Variants in HLF observed in about 807,000 individuals in gnomAD.
HLF encodes HLF transcription factor, PAR bZIP family member.
Under a neutral mutation model 22.6 loss-of-function variants are expected in HLF, and 3 were observed. The observed-to-expected ratio is 0.13, with a 90% CI of 0.06 to 0.34. HLF has a LOEUF of 0.34. HLF is among the 10% of genes least tolerant of loss of function. The pLI is 1.00. For missense variants in HLF, 299 were observed against 389.2 expected (o/e 0.77, Z 1.95); for synonymous variants, 151 against 151.8 (o/e 0.99, Z 0.04).
intron 1 of HLF, chr17:55,265,878 A>T (rs2080782966): frequency 8.3e-7 from 1 of 1,208,862 alleles, no homozygotes; most frequent in Admixed American, 4.7e-5. Context: ...GGGAGGTGTA[A>T]CTTGACAGGT....
In HLF at chr17:55,324,460, C is replaced by T. The variant is rs1905380443; in HGVS notation, c.*3581C>T. 4.3e-6 allele frequency: 1 copy of T among 231,536 alleles called. No homozygotes were observed. The highest frequency in any genetic ancestry group is 6.1e-5 in the East Asian group (1 of 16,386). The allele number at this position is 231,536 out of a possible 1,614,324, so 14.3% of individuals were successfully genotyped here. On this transcript the variant is annotated 3_prime_UTR_variant, in exon 4 of 4. Transcript: ENST00000226067. ...TTCTAGTAGTTTATCTCATTTTACC[C>T]TATTCTTCCTTTAAGGAAAACTCAA... is the stretch of plus-strand genomic sequence containing the variant.
chr17:55,308,561 T>G (rs1904687065), intron 2 of HLF, among the ~76,000 whole-genome samples: 1 of 152,180 alleles, frequency 6.6e-6, no homozygotes, highest in Non-Finnish European at 1.5e-5. Flanking sequence ...GGGGCATTTT[T>G]TGGGGGTCAT....
chr17:55,265,271 G>A lies in HLF; in HGVS notation c.-214G>A. 2.2e-6 allele frequency: 1 copy of A among 464,326 alleles called. No homozygotes were observed. The highest frequency in any genetic ancestry group is 3.7e-6 in the Non-Finnish European group (1 of 267,368). 28.8% of individuals were successfully genotyped at this position (464,326 alleles called of 1,614,324 possible). The stretch of plus-strand genomic sequence containing the variant: ...GCACTTGGCGCGCTCTCCTGGGACC[G>A]TCTGCACTGGAAACCCGAAAGTTTT... On this transcript the variant is annotated 5_prime_UTR_variant, in exon 1 of 4. Transcript: ENST00000226067.
At chr17:55,302,082 T>C (rs1316419139) in intron 2 of HLF, among the ~76,000 whole-genome samples, 1 of 152,068 alleles carries the variant, frequency 6.6e-6, no homozygotes, top group Non-Finnish European at 1.5e-5. Flanking sequence ...GCCTGGGAAG[T>C]GGGTGGTTAA....
At chr17:55,288,800 A>T in intron 2 of HLF, 1 of 329,290 alleles carries the variant, frequency 3.0e-6, no homozygotes, top group Non-Finnish European at 4.3e-6. Flanking sequence ...AAGAATGAAG[A>T]GTGTTTTCAG....
chr17:55,303,223 G>A (rs778612813), intron 2 of HLF, among the ~76,000 whole-genome samples: 4 of 152,134 alleles, frequency 2.6e-5, no homozygotes, highest in African/African-American at 7.2e-5. Context: ...TAGAGTTGCA[G>A]TGTGGCTTGA....
chr17:55,322,251 A>T lies in HLF; in HGVS notation c.*1372A>T. The T allele has an allele frequency of 5.0e-6, 1 of 198,336 alleles. No individual in the cohort carries two copies. 12.3% of individuals were successfully genotyped at this position (198,336 alleles called of 1,614,324 possible). On this transcript the variant is annotated 3_prime_UTR_variant, in exon 4 of 4. Coordinates refer to ENST00000226067, the MANE Select transcript of HLF (RefSeq NM_002126.5). The stretch of plus-strand genomic sequence containing the variant: ...AACTGTGGTTAATCCAATCAATTTA[A>T]ATGTTTACTATAGACCAAAAGGAGA...
chr17:55,297,678 A>G (rs1046758064), intron 2 of HLF, among the ~76,000 whole-genome samples: 6 of 135,360 alleles, frequency 4.4e-5, no homozygotes, highest in African/African-American at 1.4e-4. Flanking sequence ...AGAGTCACCT[A>G]CCCTCACCCC....
At chr17:55,266,818 T>A in intron 1 of HLF, 1 of 985,140 alleles carries the variant, frequency 1.0e-6, no homozygotes, top group Non-Finnish European at 1.2e-6. Context: ...AGATCCGGAA[T>A]GCTTGTTAAA....
intron 2 of HLF, among the ~76,000 whole-genome samples, chr17:55,296,470 G>A (rs1016583222): frequency 1.4e-4 from 21 of 152,030 alleles, no homozygotes; most frequent in African/African-American, 5.1e-4. Flanking sequence ...ATGGGGGTGG[G>A]TGTGTATATA....
At chr17:55,298,963 T>A (rs1378754202) in intron 2 of HLF, among the ~76,000 whole-genome samples, 1 of 152,242 alleles carries the variant, frequency 6.6e-6, no homozygotes, top group Non-Finnish European at 1.5e-5. Context: ...TCCCTCTGCC[T>A]GCATGACTGA....
chr17:55,316,477 A>G (rs978536205), intron 3 of HLF, among the ~76,000 whole-genome samples: 1 of 152,246 alleles, frequency 6.6e-6, no homozygotes, highest in Non-Finnish European at 1.5e-5. Flanking sequence ...CTGGAAGCAG[A>G]AGTACCTGGC....
At chr17:55,319,335 T>G (rs1905183984) in intron 3 of HLF, among the ~76,000 whole-genome samples, 1 of 152,068 alleles carries the variant, frequency 6.6e-6, no homozygotes, top group Non-Finnish European at 1.5e-5. Context: ...CCCTTGGAAT[T>G]CTGAGGGGTG....
chr17:55,280,635 G>A (rs560687726), intron 2 of HLF, among the ~76,000 whole-genome samples: 1 of 151,058 alleles, frequency 6.6e-6, no homozygotes, highest in South Asian at 2.1e-4. Context: ...GGGCCATAAA[G>A]TAGTGAACTG....
intron 2 of HLF, among the ~76,000 whole-genome samples, chr17:55,269,691 A>G (rs1437661491): frequency 6.6e-6 from 1 of 152,228 alleles, no homozygotes. Flanking sequence ...CTGATTAGCA[A>G]TGAGTCTTCT....
At position 55,321,261 on chromosome 17, in the gene HLF, ACT is replaced by A. The variant is rs1905253574; in HGVS notation, c.*387_*388del. 1.5e-5 allele frequency: 4 copies of A among 263,332 alleles called. No homozygotes were observed. Among genetic ancestry groups the A allele is most frequent in the Non-Finnish European group, 2.2e-5 (3 of 135,932 alleles). The allele number at this position is 263,332 out of a possible 1,614,324, so 16.3% of individuals were successfully genotyped here. A position where few individuals can be genotyped will look rare whatever the true frequency, so the allele number is the denominator to read the frequency against. On this transcript the variant is annotated 3_prime_UTR_variant, in exon 4 of 4. Transcript: ENST00000226067. ...GTTCGAGCTTACCTACTCTTCCAGG[ACT>A]CTCTGCTTGGATTCACTAAAAAGGG... is the stretch of plus-strand genomic sequence containing the variant.
At chr17:55,270,963 C>T (rs192830521) in intron 2 of HLF, among the ~76,000 whole-genome samples, 7 of 152,218 alleles carry the variant, frequency 4.6e-5, no homozygotes, top group Admixed American at 1.3e-4. Flanking sequence ...TTGTGTCTTA[C>T]GCTTTATAGG....
intron 2 of HLF, among the ~76,000 whole-genome samples, chr17:55,306,336 T>C (rs1904547395): frequency 6.6e-6 from 1 of 152,252 alleles, no homozygotes; most frequent in Admixed American, 6.5e-5. Flanking sequence ...TTCCTAATGT[T>C]TACACGTAAT....
chr17:55,285,188 C>G (rs999633367), intron 2 of HLF, among the ~76,000 whole-genome samples: 16 of 152,174 alleles, frequency 1.1e-4, no homozygotes, highest in African/African-American at 3.9e-4. Flanking sequence ...ACACCTTACA[C>G]CAGACCAGAA....
Sources: allele counts gnomAD v4.1 joint callset (sites outside exome capture counted in the v4.1 genomes callset), GRCh38; gene constraint gnomAD v4.1.1; transcripts MANE v1.5; gene names NCBI Gene and HGNC (gene_info 2026-07-23, HGNC 2026-07-21).